Variants in ANAPC1 observed in about 807,000 individuals in gnomAD.
ANAPC1 encodes the protein anaphase promoting complex subunit 1.
ANAPC1 carries 36 observed loss-of-function variants against 208.0 expected under a neutral mutation model. That is an observed-to-expected ratio of 0.17 (90% CI 0.13 to 0.23). ANAPC1 has a LOEUF of 0.23. ANAPC1 is among the 10% of genes least tolerant of loss of function. The probability of loss-of-function intolerance (pLI) is 1.00; values close to 1 mark genes in which losing one functional copy is unlikely to be tolerated. For synonymous variants in ANAPC1, 378 were observed against 695.2 expected, an observed-to-expected ratio of 0.54 and a Z score of 7.18; for missense variants, 942 against 2,011.6, an observed-to-expected ratio of 0.47 and a Z score of 10.17.
In ANAPC1 at chr2:111,834,716, G is replaced by A; in HGVS notation, c.2272C>T (p.His758Tyr). Reference protein sequence around the residue: ...SLDSSTLLFTHIPAIFFVLHL... With the variant: ...SLDSSTLLFTYIPAIFFVLHL... Reference sequence around the variant, plus strand: ...AGAACGAAAAAAATTGCAGGTATGTGAGTAAAGAGAAGTGTAGAAGAATCC... The same window carrying A: ...AGAACGAAAAAAATTGCAGGTATGTAAGTAAAGAGAAGTGTAGAAGAATCC... Residue 758 changes from histidine to tyrosine, a missense_variant, in exon 19 of 48, where the codon CAC (histidine) becomes TAC (tyrosine). Physicochemically the swap from His to Tyr is moderately conservative, Grantham distance 83. Coordinates refer to ENST00000341068, the MANE Select transcript of ANAPC1 (RefSeq NM_022662.4). 6.2e-7 allele frequency: 1 copy of A among 1,613,550 alleles called. No homozygotes were observed. The highest frequency in any genetic ancestry group is 8.5e-7 in the Non-Finnish European group (1 of 1,179,768).
At chr2:111,854,946 T>C (rs1422928459) in intron 13 of ANAPC1, among the ~76,000 whole-genome samples, 2 of 152,228 alleles carry the variant, frequency 1.3e-5, no homozygotes, top group Non-Finnish European at 2.9e-5. Flanking sequence ...AAGTTGGCTC[T>C]TGTGCACAGG....
At chr2:111,882,145 T>C (rs1427973069) in intron 1 of ANAPC1, among the ~76,000 whole-genome samples, 1 of 151,544 alleles carries the variant, frequency 6.6e-6, no homozygotes, top group Non-Finnish European at 1.5e-5. Flanking sequence ...GATCATGCCA[T>C]TGTACTCCAG....
At chr2:111,817,639 CT>C (rs1443481827) in intron 27 of ANAPC1, among the ~76,000 whole-genome samples, 1 of 151,444 alleles carries the variant, frequency 6.6e-6, no homozygotes, top group African/African-American at 2.4e-5. Flanking sequence ...AAAGCACAAG[CT>C]TTTCACAAAT....
rs750226960 is a variant in ANAPC1, at chr2:111,882,575, CA to C, written c.-25+1366del. Among the ~76,000 whole-genome samples, 335 of 136,346 alleles carry C rather than the reference CA, an allele frequency of 2.5e-3. 1 individual carries two copies. The highest frequency in any genetic ancestry group is 4.0e-3 in the Admixed American group (55 of 13,654). 89.4% of individuals were successfully genotyped at this position (136,346 alleles called of 152,430 possible). ...TCAAACCCTGTCTCTACTAAAAATA[CA>C]AAAAAAAAAAAATTACTCAGGCATG... is the stretch of plus-strand genomic sequence containing the variant. On this transcript the variant is annotated intron_variant, in intron 1 of 47. Coordinates refer to ENST00000341068, the MANE Select transcript of ANAPC1 (RefSeq NM_022662.4).
At chr2:111,844,406 T>C (rs1680937441) in intron 16 of ANAPC1, among the ~76,000 whole-genome samples, 1 of 151,218 alleles carries the variant, frequency 6.6e-6, no homozygotes. Context: ...CCATTTCTAC[T>C]AAAAATACAA....
intron 5 of ANAPC1, 24 bp downstream of exon 5, chr2:111,873,284 C>T (rs1351244424): frequency 1.9e-6 from 3 of 1,577,614 alleles, no homozygotes; most frequent in Non-Finnish European, 2.6e-6. Flanking sequence ...CAAAACCCCC[C>T]CAAAATTTGA....
chr2:111,857,006 T>C lies in ANAPC1; in HGVS notation c.1359-120A>G, dbSNP rs1558726558. The C allele has an allele frequency of 7.6e-6, 5 of 658,800 alleles. No homozygotes were observed. The East Asian group carries it at 8.3e-5, about 11-fold the overall frequency. The allele number at this position is 658,800 out of a possible 1,614,324, so 40.8% of individuals were successfully genotyped here. The stretch of plus-strand genomic sequence containing the variant: ...TTTACATACTGTATGAGCCCATTTA[T>C]ATAACATTCACAAATGCCAAATTAT... On this transcript the variant is annotated intron_variant, in intron 11 of 47. Coordinates refer to ENST00000341068, the MANE Select transcript of ANAPC1 (RefSeq NM_022662.4).
At position 111,833,108 on chromosome 2, in the gene ANAPC1, C is replaced by T. The variant is rs183267618; in HGVS notation, c.2476+112G>A. 1.7e-4 allele frequency: 230 copies of T among 1,390,892 alleles called. No homozygotes were observed. The African/African-American group carries it at 3.0e-3, about 18-fold the overall frequency. The allele number at this position is 1,390,892 out of a possible 1,614,324, so 86.2% of individuals were successfully genotyped here. A position where few individuals can be genotyped will look rare whatever the true frequency, so the allele number is the denominator to read the frequency against. On this transcript the variant is annotated intron_variant, in intron 20 of 47. Transcript: ENST00000341068. ...AAATCTGCCTGGTGGAAAGGCACTG[C>T]CCCTGACTTAGAAGCTAATGGTAAG...
At chr2:111,792,595 T>A (rs1400089102) in intron 37 of ANAPC1, 40 bp from the exon 38 acceptor site, 1 of 1,576,570 alleles carries the variant, frequency 6.3e-7, no homozygotes, top group East Asian at 2.2e-5. Context: ...ACTGTTGTGT[T>A]ACATTTCTTT....
rs141538360 is a variant in ANAPC1 at position 111,877,427 on chromosome 2, A to G, written c.375+1383T>C. On this transcript the variant is annotated intron_variant, in intron 3 of 47. Coordinates refer to ENST00000341068, the MANE Select transcript of ANAPC1 (RefSeq NM_022662.4). ...AAACTTTTTATAATGGAAAATTTCAAATAAATACAAAGTAAACAGAATAGG... is the reference window on the plus strand; with the variant it reads ...AAACTTTTTATAATGGAAAATTTCAGATAAATACAAAGTAAACAGAATAGG... 5.3e-3 allele frequency among the ~76,000 whole-genome samples: 802 copies of G among 152,326 alleles called. 14 individuals carry two copies. The highest frequency in any genetic ancestry group is 0.018 in the African/African-American group (757 of 41,572).
At chr2:111,825,896 A>G (rs1472225088) in intron 21 of ANAPC1, 41 bp from the exon 22 acceptor site, 1 of 1,590,436 alleles carries the variant, frequency 6.3e-7, no homozygotes, top group African/African-American at 1.3e-5. Context: ...CTCTTTTCAG[A>G]GACAGCATCT....
intron 3 of ANAPC1, among the ~76,000 whole-genome samples, chr2:111,877,394 T>C (rs1479569668): frequency 6.6e-6 from 1 of 152,308 alleles, no homozygotes; most frequent in Middle Eastern, 3.4e-3. Context: ...AACCAGAATG[T>C]AGACTATAAA....
Position 111,796,162 on chromosome 2 carries a change from T to C in ANAPC1, c.4297-1268A>G, listed in dbSNP as rs946430250. 2.2e-4 allele frequency among the ~76,000 whole-genome samples: 33 copies of C among 151,774 alleles called. 1 individual carries two copies. Among genetic ancestry groups the C allele is most frequent in the African/African-American group, 7.5e-4 (31 of 41,340 alleles). Reference sequence around the variant, plus strand: ...ATCACTTGAGCCCGCTAAGTGGAGGTTGCAGTGAGCCAAGATCGCACCACT... The same window carrying C: ...ATCACTTGAGCCCGCTAAGTGGAGGCTGCAGTGAGCCAAGATCGCACCACT... On this transcript the variant is annotated intron_variant, in intron 34 of 47. Transcript: ENST00000341068.
At chr2:111,870,441 GTTTTAA>G (rs1682684535) in intron 6 of ANAPC1, among the ~76,000 whole-genome samples, 2 of 152,254 alleles carry the variant, frequency 1.3e-5, no homozygotes, top group South Asian at 4.1e-4. Context: ...TCTCACTGTG[GTTTTAA>G]TTTGTGTTTC....
intron 29 of ANAPC1, among the ~76,000 whole-genome samples, chr2:111,806,169 C>A (rs1678664766): frequency 7.3e-6 from 1 of 136,324 alleles, no homozygotes; most frequent in African/African-American, 2.8e-5. Flanking sequence ...AAAAAAATTA[C>A]CAAGTAGTAG....
chr2:111,802,904 A>T (rs2367691), intron 32 of ANAPC1: 35,121 of 180,976 alleles, frequency 0.19, 4,080 homozygotes, highest in Middle Eastern at 0.22. Flanking sequence ...TTAATAGACT[A>T]AAGACATGGC....
intron 7 of ANAPC1, 143 bp downstream of exon 7, chr2:111,867,880 C>T: frequency 1.9e-6 from 1 of 533,500 alleles, no homozygotes; most frequent in Non-Finnish European, 3.3e-6. Flanking sequence ...CCATGATATT[C>T]AAGAAAGTCA....
intron 17 of ANAPC1, among the ~76,000 whole-genome samples, chr2:111,842,116 C>T (rs1403853717): frequency 6.6e-6 from 1 of 152,154 alleles, no homozygotes; most frequent in Non-Finnish European, 1.5e-5. Context: ...AACAGATTCA[C>T]AAGGTACAAT....
intron 18 of ANAPC1, among the ~76,000 whole-genome samples, chr2:111,835,702 G>A (rs1469333974): frequency 7.9e-5 from 12 of 152,220 alleles, no homozygotes; most frequent in African/African-American, 2.9e-4. Context: ...TTAGCCGGGT[G>A]TGGTGGCGGG....
Sources: allele counts gnomAD v4.1 joint callset (sites outside exome capture counted in the v4.1 genomes callset), GRCh38; gene constraint gnomAD v4.1.1; transcripts MANE v1.5; gene names NCBI Gene and HGNC (gene_info 2026-07-23, HGNC 2026-07-21).